MCCC1: variants seen among roughly 807,000 people sequenced by gnomAD.
MCCC1 encodes the protein methylcrotonyl-CoA carboxylase subunit 1.
MCCC1 carries 64 observed loss-of-function variants against 83.8 expected under a neutral mutation model. The ratio of observed to expected loss-of-function variants is 0.76; its 90% CI spans 0.62 to 0.94. The LOEUF (loss-of-function observed/expected upper bound fraction) is 0.94, where lower values mean the gene tolerates loss of function less well. Ranked by LOEUF, MCCC1 falls within the 40% of genes least tolerant of loss-of-function variation. The pLI, the probability that MCCC1 is intolerant of heterozygous loss-of-function variation, is 0.00. For synonymous variants in MCCC1, 322 were observed against 315.4 expected (o/e 1.02, Z -0.22); for missense variants, 807 against 904.7 (o/e 0.89, Z 1.39).
In MCCC1 at chr3:183,015,348, C is replaced by T. The variant is rs894828851; in HGVS notation, c.*90G>A. On this transcript the variant is annotated 3_prime_UTR_variant, in exon 19 of 19. Transcript: ENST00000265594. ...CATACAATCATTTAGTAAAACTGCT[C>T]TTTATGAGACCCCCAGAAAAGCTGG... 7.8e-5 allele frequency: 111 copies of T among 1,424,664 alleles called. No homozygotes were observed. The East Asian group carries it at 2.5e-3, about 32-fold the overall frequency. The allele number at this position is 1,424,664 out of a possible 1,614,324, so 88.3% of individuals were successfully genotyped here. A position where few individuals can be genotyped will look rare whatever the true frequency, so the allele number is the denominator to read the frequency against.
At chr3:183,032,450 A>T (rs1257917088) in intron 14 of MCCC1, among the ~76,000 whole-genome samples, 3 of 152,248 alleles carry the variant, frequency 2.0e-5, no homozygotes, top group African/African-American at 7.2e-5. Flanking sequence ...GAATGCTACT[A>T]TATAAAGATG....
At chr3:183,026,278 G>T (rs1712592479) in intron 14 of MCCC1, among the ~76,000 whole-genome samples, 1 of 152,172 alleles carries the variant, frequency 6.6e-6, no homozygotes, top group Admixed American at 6.5e-5. Flanking sequence ...CTGGACTCAA[G>T]TGATCCATCT....
chr3:183,031,849 A>T (rs1184093001), intron 14 of MCCC1, among the ~76,000 whole-genome samples: 3 of 151,116 alleles, frequency 2.0e-5, no homozygotes, highest in Non-Finnish European at 4.4e-5. Flanking sequence ...TTATTTTATA[A>T]ATAGGGACAG....
At chr3:183,042,806 C>T (rs1230762264) in intron 10 of MCCC1, among the ~76,000 whole-genome samples, 1 of 152,178 alleles carries the variant, frequency 6.6e-6, no homozygotes, top group Non-Finnish European at 1.5e-5. Context: ...GGCATACAGT[C>T]AGCACTATGT....
At chr3:183,071,477 C>A (rs1232566340) in intron 5 of MCCC1, 120 bp from the exon 6 acceptor site, 1 of 1,402,598 alleles carries the variant, frequency 7.1e-7, no homozygotes, top group Non-Finnish European at 1.0e-6. Flanking sequence ...AACATCGAGT[C>A]TGAGACGACA....
chr3:183,047,829 G>C (rs1714666830), intron 9 of MCCC1, among the ~76,000 whole-genome samples: 1 of 152,094 alleles, frequency 6.6e-6, no homozygotes, highest in Non-Finnish European at 1.5e-5. Flanking sequence ...ACAATACCTA[G>C]CACTGCAAGA....
chr3:183,061,407 C>T (rs909948868), intron 7 of MCCC1, among the ~76,000 whole-genome samples: 1 of 152,150 alleles, frequency 6.6e-6, no homozygotes, highest in Non-Finnish European at 1.5e-5. Flanking sequence ...GGATCTCTTT[C>T]AAATTGGTTA....
In MCCC1 at chr3:183,064,852, T is replaced by C. The variant is rs1011234468; in HGVS notation, c.761+6147A>G. ...GACAAGTGGCCACCTGAACTTTTTA[T>C]TTAGTGTCGGTTGCAATGGGCGGGT... On this transcript the variant is annotated intron_variant, in intron 7 of 18. Coordinates refer to ENST00000265594, the MANE Select transcript of MCCC1 (RefSeq NM_020166.5). The surrounding 1 kb of genome is among the most constrained non-coding windows in gnomAD (Gnocchi z 4.5). 3.9e-5 allele frequency among the ~76,000 whole-genome samples: 6 copies of C among 152,200 alleles called. No homozygotes were observed. The highest frequency in any genetic ancestry group is 7.3e-5 in the Non-Finnish European group (5 of 68,038).
chr3:183,042,520 G>GA (rs1262204182), intron 10 of MCCC1, among the ~76,000 whole-genome samples: 7 of 152,106 alleles, frequency 4.6e-5, no homozygotes, highest in Admixed American at 3.9e-4. Flanking sequence ...GGAAAATCTA[G>GA]ACTCTAAGTA....
At chr3:183,104,676 T>C (rs1180971740) in intron 1 of MCCC1, among the ~76,000 whole-genome samples, 1 of 152,114 alleles carries the variant, frequency 6.6e-6, no homozygotes, top group Non-Finnish European at 1.5e-5. Flanking sequence ...ATATGAGGAA[T>C]TCACAGAATA....
In MCCC1 at chr3:183,034,049, A is replaced by G. The variant is rs750602906; in HGVS notation, c.1623T>C (p.Ser541=). ...HDQFSPFSSS[S]GRRLNISYTR... is the part of the protein sequence containing the mutation. ...TATACGAGATATTCAGTCTTCTTCC[A>G]CTGCTAGACGAAAATGGAGAGAATT... Residue 541 remains serine (S), a synonymous_variant, in exon 14 of 19, where the codon AGT becomes AGC. Transcript: ENST00000265594. 77 of 1,611,896 alleles carry G rather than the reference A, an allele frequency of 4.8e-5. No homozygotes were observed. The highest frequency in any genetic ancestry group is 6.2e-5 in the Non-Finnish European group (73 of 1,178,898).
chr3:183,017,822 T>G (rs1711795698), intron 17 of MCCC1: 1 of 164,400 alleles, frequency 6.1e-6, no homozygotes, highest in Non-Finnish European at 1.3e-5. Context: ...CCAAATGTAC[T>G]GGTCAAATCA....
In MCCC1 at chr3:183,055,064, T is replaced by G. The variant is rs551054607; in HGVS notation, c.873+2247A>C. ...AGAATGTATTCCTATTGTTAAGCAA[T>G]GCATGACTGTATTATATTTCTGTGT... On this transcript the variant is annotated intron_variant, in intron 8 of 18. Transcript: ENST00000265594. 3.9e-5 allele frequency among the ~76,000 whole-genome samples: 6 copies of G among 152,224 alleles called. No homozygotes were observed. In the East Asian group the frequency reaches 1.2e-3, roughly 29 times the overall value.
intron 17 of MCCC1, among the ~76,000 whole-genome samples, chr3:183,019,895 T>C (rs942587837): frequency 7.9e-5 from 12 of 152,254 alleles, no homozygotes; most frequent in Admixed American, 5.9e-4. Context: ...ATTTGTACTT[T>C]GATGCAAATG....
At chr3:183,080,895 T>G (rs1560267709) in intron 4 of MCCC1, among the ~76,000 whole-genome samples, 1 of 152,184 alleles carries the variant, frequency 6.6e-6, no homozygotes, top group Admixed American at 6.5e-5. Context: ...TCAGACCTCA[T>G]GAGACTCATT....
chr3:183,093,332 A>C (rs1197812939), intron 2 of MCCC1, among the ~76,000 whole-genome samples: 1 of 152,252 alleles, frequency 6.6e-6, no homozygotes, highest in Non-Finnish European at 1.5e-5. Context: ...TGAAGAAACT[A>C]ATGCTGAAAG....
At chr3:183,088,204 T>TTGTTGTTGTTGTTG (rs888177293) in intron 3 of MCCC1, among the ~76,000 whole-genome samples, 2 of 149,050 alleles carry the variant, frequency 1.3e-5, no homozygotes, top group African/African-American at 4.9e-5. Flanking sequence ...GTTGTTGTTG[T>TTGTTGTTGTTGTTG]TGTGTGTTTT....
intron 2 of MCCC1, among the ~76,000 whole-genome samples, chr3:183,094,270 G>C (rs994841067): frequency 3.3e-5 from 5 of 151,664 alleles, no homozygotes; most frequent in African/African-American, 1.2e-4. Context: ...GGCTGGTCTC[G>C]AACTCCTGAC....
intron 2 of MCCC1, 26 bp downstream of exon 2, chr3:183,094,533 A>T (rs374379321): frequency 2.5e-5 from 41 of 1,613,394 alleles, no homozygotes; most frequent in Non-Finnish European, 2.9e-5. Context: ...AGCAAAATCA[A>T]ATAGAACAAC....
Sources: gnomAD v4.1 joint callset for allele counts (sites outside exome capture counted in the v4.1 genomes callset) on GRCh38, gnomAD v4.1.1 for gene constraint, Gnocchi (gnomAD v3.1) non-coding constraint, MANE v1.5 for transcripts, NCBI Gene and HGNC (gene_info 2026-07-23, HGNC 2026-07-21) for gene names.